CASP6: variants seen among roughly 807,000 people sequenced by gnomAD.
The protein encoded by CASP6 is caspase-6.
Under a neutral mutation model 31.8 loss-of-function variants are expected in CASP6, and 20 were observed. The observed-to-expected ratio is 0.63, with a 90% CI of 0.44 to 0.91. CASP6 has a LOEUF of 0.91. Ranked by LOEUF, CASP6 falls within the 40% of genes least tolerant of loss-of-function variation. The pLI, the probability that CASP6 is intolerant of heterozygous loss-of-function variation, is 0.00. For missense variants in CASP6, 328 were observed against 361.1 expected (o/e 0.91, Z 0.74); for synonymous variants, 130 against 127.8 (o/e 1.02, Z -0.12).
At chr4:109,697,538 A>G in intron 3 of CASP6, 84 bp downstream of exon 3, 4 of 1,473,284 alleles carry the variant, frequency 2.7e-6, no homozygotes, top group Non-Finnish European at 3.6e-6. Flanking sequence ...AAGTGCTGGG[A>G]TTACCAGCAT....
At chr4:109,677,151 T>C in the CASP6 span, among the ~76,000 whole-genome samples, 32 of 152,246 alleles carry the variant, frequency 2.1e-4, no homozygotes, top group Non-Finnish European at 3.8e-4. Flanking sequence ...TAAGATTTAA[T>C]GTTGTTTACT....
the CASP6 span, among the ~76,000 whole-genome samples, chr4:109,709,267 G>A: frequency 3.9e-5 from 6 of 152,172 alleles, no homozygotes; most frequent in African/African-American, 1.4e-4. Context: ...AACTCTGGGG[G>A]TGGGGTCCAG....
downstream of CASP6, chr4:109,684,641 C>T (rs777235046): frequency 2.7e-5 from 38 of 1,417,930 alleles, no homozygotes; most frequent in Non-Finnish European, 3.8e-5. Context: ...TATAGTCACT[C>T]GACAGGTGAG....
At chr4:109,692,026 C>G (rs1730073325) in intron 5 of CASP6, 1 of 152,166 alleles carries the variant, frequency 6.6e-6, no homozygotes, top group Non-Finnish European at 1.5e-5. Context: ...CGAATACAGC[C>G]AGCCAATAAG....
chr4:109,683,006 C>T, the CASP6 span: 5 of 308,318 alleles, frequency 1.6e-5, no homozygotes, highest in East Asian at 3.4e-4. Flanking sequence ...AAACTCTATG[C>T]CATGCCTCCT....
At chr4:109,664,509 C>T in the CASP6 span, 57 of 571,006 alleles carry the variant, frequency 1.0e-4, no homozygotes, top group Non-Finnish European at 1.5e-4. Flanking sequence ...ACTGTAATCT[C>T]AAACTCCTGG....
At chr4:109,687,037 G>T (rs565695752), downstream of CASP6, among the ~76,000 whole-genome samples, 1 of 151,752 alleles carries the variant, frequency 6.6e-6, no homozygotes. Context: ...AAGGCATAAG[G>T]ATGAATTAGT....
chr4:109,687,634 G>A (rs1344594575), downstream of CASP6: 2 of 1,331,094 alleles, frequency 1.5e-6, no homozygotes, highest in African/African-American at 2.9e-5. Context: ...ATTATGTATT[G>A]ATTTTGCAAC....
chr4:109,674,112 A>T, the CASP6 span: 1 of 1,437,728 alleles, frequency 7.0e-7, no homozygotes. Flanking sequence ...TCTGGGCAAA[A>T]CCTAAGCCTT....
upstream of CASP6, among the ~76,000 whole-genome samples, chr4:109,708,339 G>A (rs1730660685): frequency 1.3e-5 from 2 of 152,204 alleles, no homozygotes; most frequent in Non-Finnish European, 2.9e-5. Flanking sequence ...TTAAGTGACT[G>A]TGAAGGACTC....
At chr4:109,695,740 CA>C (rs762055298) in intron 4 of CASP6, among the ~76,000 whole-genome samples, 5,029 of 127,732 alleles carry the variant, frequency 0.039, 258 homozygotes, top group African/African-American at 0.13. Flanking sequence ...GACTCCATCT[CA>C]AAAAAAAAAA....
At chr4:109,677,113 T>C in the CASP6 span, among the ~76,000 whole-genome samples, 3 of 152,246 alleles carry the variant, frequency 2.0e-5, no homozygotes, top group Admixed American at 6.5e-5. Flanking sequence ...CAAGGTGGCA[T>C]ATGAATTCAA....
At chr4:109,703,487 G>A (rs878961810), upstream of CASP6, 33 of 1,502,504 alleles carry the variant, frequency 2.2e-5, no homozygotes, top group South Asian at 2.2e-4. Context: ...TTCCTCGGCG[G>A]CCCCGCCCCC....
chr4:109,697,622 C>G lies in CASP6; in HGVS notation c.230G>C (p.Arg77Thr). 6.2e-7 allele frequency: 1 copy of G among 1,601,784 alleles called. No homozygotes were observed. Among genetic ancestry groups the G allele is most frequent in the Non-Finnish European group, 8.5e-7 (1 of 1,175,934 alleles). The change falls in exon 3 of 7, where the codon AGG becomes ACG. Residue 77 changes from arginine (R) to threonine (T), a missense_variant and splice_region_variant. Arg to Thr is a moderately conservative substitution (Grantham distance 71). Coordinates refer to ENST00000265164, the MANE Select transcript of CASP6 (RefSeq NM_001226.4). ...CTTGATAGGTAGATAAAACTACTACCTGCGGGTAAGATTGTCTCTATCTGC... is the reference window on the plus strand; with the variant it reads ...CTTGATAGGTAGATAAAACTACTACGTGCGGGTAAGATTGTCTCTATCTGC... ...TCADRDNLTRRFSDLGFEVKC... is the reference protein window; with the variant it reads ...TCADRDNLTRTFSDLGFEVKC...
At chr4:109,681,845 A>G in the CASP6 span, among the ~76,000 whole-genome samples, 2 of 152,264 alleles carry the variant, frequency 1.3e-5, no homozygotes, top group South Asian at 4.1e-4. Context: ...CAGCTCGAGC[A>G]GTAACAAACA....
At chr4:109,694,153 T>C (rs1730164769) in intron 5 of CASP6, among the ~76,000 whole-genome samples, 1 of 152,206 alleles carries the variant, frequency 6.6e-6, no homozygotes, top group Admixed American at 6.5e-5. Context: ...TTCTTTCCAC[T>C]GGTTTATATG....
the CASP6 span, among the ~76,000 whole-genome samples, chr4:109,680,868 C>T: frequency 5.9e-5 from 9 of 152,200 alleles, no homozygotes; most frequent in African/African-American, 2.2e-4. Context: ...GTTCTCTTAA[C>T]AGTGATAATG....
the CASP6 span, among the ~76,000 whole-genome samples, chr4:109,669,185 C>A: frequency 1.3e-5 from 2 of 152,124 alleles, no homozygotes; most frequent in African/African-American, 4.8e-5. Context: ...TGAAGAACTT[C>A]TTTTAATATT....
chr4:109,675,437 A>G, the CASP6 span, among the ~76,000 whole-genome samples: 1 of 152,224 alleles, frequency 6.6e-6, no homozygotes, highest in Non-Finnish European at 1.5e-5. Flanking sequence ...GAGTTGAACC[A>G]ACATTTGCAT....
Sources: gnomAD v4.1 joint callset for allele counts (sites outside exome capture counted in the v4.1 genomes callset) on GRCh38, gnomAD v4.1.1 for gene constraint, MANE v1.5 for transcripts, NCBI Gene and HGNC (gene_info 2026-07-23, HGNC 2026-07-21) for gene names.